The following EYS variants were observed in gnomAD, a reference collection of about 807,000 sequenced individuals.
EYS encodes protein eyes shut homolog.
Under a neutral mutation model 282.1 loss-of-function variants are expected in EYS, and 250 were observed. The observed-to-expected ratio is 0.89, with a 90% confidence interval of 0.80 to 0.98. The LOEUF is 0.98. EYS is among the 50% of genes least tolerant of loss of function. The pLI, the probability that EYS is intolerant of heterozygous loss-of-function variation, is 0.00. For missense variants in EYS, 4,016 were observed against 3,709.0 expected (o/e 1.08, Z -2.15); for synonymous variants, 1,355 against 1,282.9 (o/e 1.06, Z -1.20).
At chr6:63,977,386 C>CT (rs11435960) in intron 35 of EYS, among the ~76,000 whole-genome samples, 55,078 of 151,700 alleles carry the variant, frequency 0.36, 10,090 homozygotes, top group African/African-American at 0.41. Context: ...TATATTTACC[C>CT]ATTGTGCTAT....
At chr6:65,003,735 A>G (rs1044184367) in intron 13 of EYS, among the ~76,000 whole-genome samples, 1 of 147,412 alleles carries the variant, frequency 6.8e-6, no homozygotes, top group Non-Finnish European at 1.5e-5. Flanking sequence ...AAAATAGAAA[A>G]GAACCTACGT....
At chr6:65,438,007 T>TC (rs1165454193) in intron 5 of EYS, among the ~76,000 whole-genome samples, 1 of 101,086 alleles carries the variant, frequency 9.9e-6, no homozygotes, top group African/African-American at 3.8e-5. Flanking sequence ...CCCTCTCCCC[T>TC]CCCCCCACCC....
intron 22 of EYS, among the ~76,000 whole-genome samples, chr6:64,632,467 G>A (rs1198110406): frequency 6.6e-6 from 1 of 151,918 alleles, no homozygotes; most frequent in Non-Finnish European, 1.5e-5. Context: ...TTGACGGTTT[G>A]GAATTTTTGC....
Position 64,300,056 on chromosome 6 carries a change from G to A in EYS, c.6191+6914C>T, listed in dbSNP as rs921033103. ...AAAGACAAGGGATACCCTAGTTATG[G>A]GACCCTATCTTAGGCAAGTGGCATT... On this transcript the variant is annotated intron_variant, in intron 30 of 42. Transcript: ENST00000503581. 9.9e-5 allele frequency among the ~76,000 whole-genome samples: 15 copies of A among 152,268 alleles called. No individual in the cohort carries two copies. In the South Asian group the frequency reaches 1.7e-3, roughly 17 times the overall value.
intron 31 of EYS, among the ~76,000 whole-genome samples, chr6:64,220,545 A>G (rs1766069173): frequency 6.6e-6 from 1 of 152,136 alleles, no homozygotes; most frequent in African/African-American, 2.4e-5. Context: ...TCTCTTCCCC[A>G]GGTTCAATCT....
At chr6:65,061,854 T>C (rs1475273957) in intron 12 of EYS, among the ~76,000 whole-genome samples, 1 of 151,932 alleles carries the variant, frequency 6.6e-6, no homozygotes, top group Non-Finnish European at 1.5e-5. Flanking sequence ...TCCAAATAAT[T>C]AGAGTTCTGT....
At chr6:65,170,611 CA>C (rs950468755) in intron 12 of EYS, among the ~76,000 whole-genome samples, 16 of 151,228 alleles carry the variant, frequency 1.1e-4, no homozygotes, top group Admixed American at 7.9e-4. Context: ...ATGTCTAAGC[CA>C]AAAATGGTTT....
At chr6:63,746,004 TG>T (rs1210020452) in intron 41 of EYS, among the ~76,000 whole-genome samples, 3 of 152,204 alleles carry the variant, frequency 2.0e-5, no homozygotes, top group Non-Finnish European at 4.4e-5. Flanking sequence ...CTAACCATTC[TG>T]GCACACTGCT....
intron 35 of EYS, among the ~76,000 whole-genome samples, chr6:63,942,643 A>G (rs1438019018): frequency 6.6e-6 from 1 of 152,206 alleles, no homozygotes; most frequent in Non-Finnish European, 1.5e-5. Flanking sequence ...GGGCCCTTCC[A>G]TGATATGGAC....
At chr6:65,280,401 G>C (rs1205200986) in intron 12 of EYS, among the ~76,000 whole-genome samples, 1 of 152,114 alleles carries the variant, frequency 6.6e-6, no homozygotes, top group Non-Finnish European at 1.5e-5. Flanking sequence ...TATGTAGTAA[G>C]TATATTTTCA....
chr6:64,363,313 GT>G (rs956346828), intron 29 of EYS, among the ~76,000 whole-genome samples: 30 of 151,928 alleles, frequency 2.0e-4, no homozygotes, highest in Admixed American at 1.2e-3. Flanking sequence ...ACATTGGACA[GT>G]TGGCAAAAAA....
chr6:64,709,938 T>C (rs1364923292), intron 22 of EYS, among the ~76,000 whole-genome samples: 3 of 152,210 alleles, frequency 2.0e-5, no homozygotes, highest in African/African-American at 4.8e-5. Context: ...GTGTGACTTA[T>C]GATCAAATTG....
chr6:64,730,572 A>G (rs1225488060), intron 22 of EYS, among the ~76,000 whole-genome samples: 3 of 152,084 alleles, frequency 2.0e-5, no homozygotes, highest in African/African-American at 7.2e-5. Context: ...TCAGCCTCCC[A>G]GGTTCAAGCA....
At chr6:64,301,007 T>C (rs1463730543) in intron 30 of EYS, among the ~76,000 whole-genome samples, 1 of 152,254 alleles carries the variant, frequency 6.6e-6, no homozygotes, top group Non-Finnish European at 1.5e-5. Context: ...GATGTTTTAC[T>C]AGCAGCCCCA....
intron 31 of EYS, among the ~76,000 whole-genome samples, chr6:64,133,311 G>A (rs1348603989): frequency 2.6e-5 from 4 of 151,920 alleles, no homozygotes; most frequent in Admixed American, 6.6e-5. Flanking sequence ...CTGAAGAAAG[G>A]TAGACGTTCC....
intron 31 of EYS, among the ~76,000 whole-genome samples, chr6:64,119,658 A>G (rs1451659172): frequency 6.6e-6 from 1 of 152,236 alleles, no homozygotes; most frequent in Admixed American, 6.5e-5. Context: ...GAAATTGTGT[A>G]GCAAAACTTA....
intron 8 of EYS, among the ~76,000 whole-genome samples, chr6:65,375,870 G>T (rs1457753018): frequency 6.6e-6 from 1 of 152,026 alleles, no homozygotes; most frequent in Non-Finnish European, 1.5e-5. Flanking sequence ...AAAGAAATAT[G>T]GGACCATATG....
At chr6:65,520,826 A>G (rs1767338194) in intron 2 of EYS, among the ~76,000 whole-genome samples, 1 of 152,096 alleles carries the variant, frequency 6.6e-6, no homozygotes, top group Non-Finnish European at 1.5e-5. Flanking sequence ...AACAACATAA[A>G]TCATGGATTT....
At chr6:63,886,185 C>T (rs1773256477) in intron 35 of EYS, among the ~76,000 whole-genome samples, 1 of 152,164 alleles carries the variant, frequency 6.6e-6, no homozygotes, top group Non-Finnish European at 1.5e-5. Context: ...AGCCCTTTAT[C>T]TACTGGCTTG....
Sources: gnomAD v4.1 joint callset for allele counts (sites outside exome capture counted in the v4.1 genomes callset) on GRCh38, gnomAD v4.1.1 for gene constraint, MANE v1.5 for transcripts, NCBI Gene and HGNC (gene_info 2026-07-23, HGNC 2026-07-21) for gene names.